Variants in PARVB observed in about 807,000 individuals in gnomAD.
PARVB encodes beta-parvin.
PARVB carries 46 observed loss-of-function variants against 47.0 expected under a neutral mutation model. The observed-to-expected ratio is 0.98, with a 90% confidence interval of 0.77 to 1.25. The LOEUF is 1.25. Among genes scored for constraint, PARVB ranks in the 50% most tolerant of loss-of-function variants. PARVB has a pLI of 0.00. For missense variants in PARVB, 473 were observed against 471.6 expected (o/e 1.00, Z -0.03); for synonymous variants, 196 against 196.3 (o/e 1.00, Z 0.01).
chr22:44,098,919 C>T (rs1190252539), intron 2 of PARVB, among the ~76,000 whole-genome samples: 5 of 152,202 alleles, frequency 3.3e-5, no homozygotes, highest in Non-Finnish European at 2.9e-5. Flanking sequence ...AAGCAATCCT[C>T]CCGCCTCAGC....
chr22:44,111,065 T>C (rs959113108), intron 3 of PARVB: 1 of 152,150 alleles, frequency 6.6e-6, no homozygotes, highest in African/African-American at 2.4e-5. Context: ...TAATTTTTTT[T>C]TTTTTTCCAT....
rs2053174442 is a variant in PARVB, at chr22:44,125,862, T to C, written c.377-5625T>C. Among the ~76,000 whole-genome samples, 1 of 152,084 alleles carries C rather than the reference T, an allele frequency of 6.6e-6. No homozygotes were observed. The highest frequency in any genetic ancestry group is 1.5e-5 in the Non-Finnish European group (1 of 68,012). On this transcript the variant is annotated intron_variant, in intron 4 of 12. Coordinates refer to ENST00000338758, the MANE Select transcript of PARVB (RefSeq NM_013327.5). The surrounding 1 kb of genome is among the most constrained non-coding windows in gnomAD (Gnocchi z 4.1). ...AACTGAGAGATCAGTCAGGACACCA[T>C]TGCCATGGCCCAGGCATCTGATGAA...
At chr22:44,129,177 G>A (rs1472821378) in intron 4 of PARVB, among the ~76,000 whole-genome samples, 2 of 152,188 alleles carry the variant, frequency 1.3e-5, no homozygotes, top group African/African-American at 4.8e-5. Flanking sequence ...ATAAAAAGAG[G>A]AGATTAGGAC....
At chr22:44,144,891 T>TGCTTGGGCTTGG (rs1474807130) in intron 8 of PARVB, 1 of 152,256 alleles carries the variant, frequency 6.6e-6, no homozygotes, top group Non-Finnish European at 1.5e-5. Context: ...TGAGCATTCC[T>TGCTTGGGCTTGG]GCAGATTGAG....
At chr22:44,153,332 T>C (rs550687212) in intron 10 of PARVB, 2 of 152,296 alleles carry the variant, frequency 1.3e-5, no homozygotes, top group South Asian at 4.1e-4. Flanking sequence ...TCTTTTTCTT[T>C]CTTTCTTTTT....
At chr22:44,116,952 T>C (rs2052920255) in intron 3 of PARVB, among the ~76,000 whole-genome samples, 1 of 151,326 alleles carries the variant, frequency 6.6e-6, no homozygotes, top group African/African-American at 2.4e-5. Flanking sequence ...AAGAGGGAGA[T>C]GGGGAGGAGT....
chr22:44,151,669 TC>T, intron 10 of PARVB, 118 bp downstream of exon 10: 1 of 774,788 alleles, frequency 1.3e-6, no homozygotes, highest in Non-Finnish European at 2.3e-6. Context: ...CACAAGGAAC[TC>T]CCGTGGTGCA....
At chr22:43,999,304 A>G in exon 1 of PARVB, 1 of 1,466,350 alleles carries the variant, frequency 6.8e-7, no homozygotes, top group Non-Finnish European at 9.3e-7. Flanking sequence ...TTTAAAGACC[A>G]GATAAATTTA....
chr22:44,024,436 C>A lies in PARVB; in HGVS notation c.97C>A (p.Arg33=). 3.3e-6 allele frequency: 4 copies of A among 1,200,652 alleles called. No homozygotes were observed. The highest frequency in any genetic ancestry group is 4.2e-6 in the Non-Finnish European group (4 of 959,918). The allele number at this position is 1,200,652 out of a possible 1,614,324, so 74.4% of individuals were successfully genotyped here. A position where few individuals can be genotyped will look rare whatever the true frequency, so the allele number is the denominator to read the frequency against. Residue 33 remains arginine, a synonymous_variant, in exon 1 of 13, where the codon CGG becomes AGG. Coordinates refer to ENST00000338758, the MANE Select transcript of PARVB (RefSeq NM_013327.5). ...GCTGGGCGGCACCCTGGCCAGGAAG[C>A]GGAGGGCGCGCGAGGGTGAGTGCGC... ...GKLGGTLARK[R]RAREVSDLQE...
In PARVB at chr22:44,089,446, A is replaced by G. The variant is rs1368763929; in HGVS notation, c.113-4482A>G. 6.6e-6 allele frequency: 1 copy of G among 151,922 alleles called. No homozygotes were observed. The highest frequency in any genetic ancestry group is 2.4e-5 in the African/African-American group (1 of 41,130). 9.4% of individuals were successfully genotyped at this position (151,922 alleles called of 1,614,324 possible). A position where few individuals can be genotyped will look rare whatever the true frequency, so the allele number is the denominator to read the frequency against. On this transcript the variant is annotated intron_variant, in intron 1 of 12. Coordinates refer to ENST00000338758, the MANE Select transcript of PARVB (RefSeq NM_013327.5). The surrounding 1 kb of genome is among the most constrained non-coding windows in gnomAD (Gnocchi z 4.0). ...CCTGTGCCAGCGCGCCTGTGCCAGC[A>G]CACCCGGGCCAGCACACCCGGGCCA...
At chr22:44,072,462 A>G (rs984662939) in intron 1 of PARVB, among the ~76,000 whole-genome samples, 2 of 152,024 alleles carry the variant, frequency 1.3e-5, no homozygotes, top group Non-Finnish European at 2.9e-5. Context: ...GTTTTTTGAG[A>G]TGGAGTCTTG....
At chr22:44,015,547 G>A (rs1383645791) in intron 2 of PARVB, among the ~76,000 whole-genome samples, 10 of 152,100 alleles carry the variant, frequency 6.6e-5, no homozygotes, top group African/African-American at 1.2e-4. Flanking sequence ...GGCTGGGCGC[G>A]GTGACTCATG....
At chr22:44,012,262 C>T (rs774816321) in intron 2 of PARVB, among the ~76,000 whole-genome samples, 2 of 152,206 alleles carry the variant, frequency 1.3e-5, no homozygotes, top group East Asian at 1.9e-4. Flanking sequence ...AAAGAGAACT[C>T]GGAGGAATTG....
Position 44,055,660 on chromosome 22 carries a change from C to T in PARVB, c.112+31209C>T, listed in dbSNP as rs934302416. Among the ~76,000 whole-genome samples, 14 of 102,028 alleles carry T rather than the reference C, an allele frequency of 1.4e-4. No individual in the cohort carries two copies. The East Asian group carries it at 2.4e-3, about 17-fold the overall frequency. The allele number at this position is 102,028 out of a possible 152,430, so 66.9% of individuals were successfully genotyped here. A position where few individuals can be genotyped will look rare whatever the true frequency, so the allele number is the denominator to read the frequency against. On this transcript the variant is annotated intron_variant, in intron 1 of 12. Coordinates refer to ENST00000338758, the MANE Select transcript of PARVB (RefSeq NM_013327.5). ...TCTCTCTGTCTGTCTCTATCCATCT[C>T]TCTCTCTCTCTCTCTCTCTATATAT...
intron 1 of PARVB, among the ~76,000 whole-genome samples, chr22:44,053,888 C>G (rs983195888): frequency 4.0e-5 from 6 of 149,282 alleles, no homozygotes; most frequent in Non-Finnish European, 6.0e-5. Flanking sequence ...CTTCCATGCC[C>G]TCTCTGGGCG....
intron 1 of PARVB, among the ~76,000 whole-genome samples, chr22:44,077,130 T>C (rs2146994915): frequency 6.6e-6 from 1 of 152,280 alleles, no homozygotes; most frequent in Middle Eastern, 3.4e-3. Context: ...CCTGAGTGGC[T>C]TAAACAACAG....
chr22:44,036,234 G>A (rs191066986), intron 1 of PARVB, among the ~76,000 whole-genome samples: 7 of 152,212 alleles, frequency 4.6e-5, no homozygotes, highest in Admixed American at 2.0e-4. Flanking sequence ...TCCAGCCTGG[G>A]TGACAGAATG....
In PARVB at chr22:44,049,532, T is replaced by C. The variant is rs1030177765; in HGVS notation, c.112+25081T>C. On this transcript the variant is annotated intron_variant, in intron 1 of 12. Transcript: ENST00000338758. The surrounding 1 kb of genome is among the most constrained non-coding windows in gnomAD (Gnocchi z 4.0). ...AAATGTGTGCAGAGGATGCACTGCG[T>C]GCAGGCTGCGGCTCGAGGTCAATCA... 3.3e-5 allele frequency among the ~76,000 whole-genome samples: 5 copies of C among 152,264 alleles called. No individual in the cohort carries two copies. Among genetic ancestry groups the C allele is most frequent in the Non-Finnish European group, 7.3e-5 (5 of 68,048 alleles).
At chr22:44,110,317 A>T (rs1201356457) in intron 3 of PARVB, 1 of 152,062 alleles carries the variant, frequency 6.6e-6, no homozygotes. Flanking sequence ...GCATGCTCCG[A>T]AGAAGACTAA....
Sources: allele counts gnomAD v4.1 joint callset (sites outside exome capture counted in the v4.1 genomes callset), GRCh38; gene constraint gnomAD v4.1.1; non-coding constraint Gnocchi (gnomAD v3.1); transcripts MANE v1.5; gene names NCBI Gene and HGNC (gene_info 2026-07-23, HGNC 2026-07-21).